Variants in SLC7A1 observed in about 807,000 individuals in gnomAD.
SLC7A1 encodes the protein solute carrier family 7 member 1.
Under a neutral mutation model 53.9 loss-of-function variants are expected in SLC7A1, and 10 were observed. The observed-to-expected ratio is 0.19, with a 90% CI of 0.11 to 0.31. The LOEUF is 0.31. SLC7A1 is among the 10% of genes least tolerant of loss of function. The pLI, the probability that SLC7A1 is intolerant of heterozygous loss-of-function variation, is 1.00. For synonymous variants in SLC7A1, 342 were observed against 338.7 expected (o/e 1.01, Z -0.11); for missense variants, 525 against 827.2 (o/e 0.63, Z 4.48).
chr13:29,545,363 C>T (rs9508490), intron 2 of SLC7A1, among the ~76,000 whole-genome samples: 88,054 of 151,782 alleles, frequency 0.58, 29,077 homozygotes, highest in Non-Finnish European at 0.76. Context: ...CTGTGGGGAC[C>T]AGCTCAGGTC....
chr13:29,541,080 C>T (rs1264618997), intron 2 of SLC7A1, among the ~76,000 whole-genome samples: 1 of 152,034 alleles, frequency 6.6e-6, no homozygotes, highest in Non-Finnish European at 1.5e-5. Flanking sequence ...GGGATGCTGG[C>T]CACGATGAGA....
chr13:29,528,970 A>AACT, intron 5 of SLC7A1, among the ~76,000 whole-genome samples: 1 of 152,270 alleles, frequency 6.6e-6, no homozygotes, highest in South Asian at 2.1e-4. Flanking sequence ...AGTTAACAAG[A>AACT]GGTGCCCTAT....
intron 1 of SLC7A1, among the ~76,000 whole-genome samples, chr13:29,571,982 A>T (rs1224365482): frequency 6.6e-6 from 1 of 152,112 alleles, no homozygotes; most frequent in Admixed American, 6.5e-5. Flanking sequence ...TTCTTTGTTG[A>T]CCTTTGCGTG....
intron 8 of SLC7A1, among the ~76,000 whole-genome samples, chr13:29,521,370 T>C (rs990908069): frequency 2.0e-5 from 3 of 152,210 alleles, no homozygotes; most frequent in Admixed American, 6.5e-5. Flanking sequence ...CTGTGACTGA[T>C]CTCACATGCC....
intron 9 of SLC7A1, among the ~76,000 whole-genome samples, chr13:29,518,010 G>A (rs747669571): frequency 2.0e-5 from 3 of 152,182 alleles, no homozygotes; most frequent in South Asian, 2.1e-4. Context: ...TCTCTCCTTC[G>A]GGGCGACATG....
chr13:29,587,797 T>G (rs1871946659), intron 1 of SLC7A1, among the ~76,000 whole-genome samples: 1 of 152,196 alleles, frequency 6.6e-6, no homozygotes, highest in South Asian at 2.1e-4. Flanking sequence ...GGCAGGAGCA[T>G]GAAAGACCGT....
chr13:29,557,202 G>A (rs559887788), intron 1 of SLC7A1, among the ~76,000 whole-genome samples: 2 of 152,272 alleles, frequency 1.3e-5, no homozygotes, highest in South Asian at 4.1e-4. Context: ...CATAAATATC[G>A]CAAGCAGCAT....
intron 4 of SLC7A1, 98 bp downstream of exon 4, chr13:29,532,726 G>T (rs1357797880): frequency 1.4e-5 from 15 of 1,099,306 alleles, no homozygotes; most frequent in Non-Finnish European, 2.0e-5. Flanking sequence ...TGGGGGTTAT[G>T]GTTAAAGAGA....
At chr13:29,573,642 A>G (rs1871291699) in intron 1 of SLC7A1, among the ~76,000 whole-genome samples, 1 of 152,222 alleles carries the variant, frequency 6.6e-6, no homozygotes, top group Non-Finnish European at 1.5e-5. Context: ...AGTTAAATCT[A>G]AATTTCATGT....
At chr13:29,594,975 G>A (rs1035250640) in intron 1 of SLC7A1, among the ~76,000 whole-genome samples, 14 of 151,880 alleles carry the variant, frequency 9.2e-5, no homozygotes, top group African/African-American at 3.1e-4. Context: ...TCTGCACCGC[G>A]CCATGTAAGG....
At chr13:29,527,802 C>A (rs1368990230) in intron 5 of SLC7A1, among the ~76,000 whole-genome samples, 1 of 152,366 alleles carries the variant, frequency 6.6e-6, no homozygotes, top group African/African-American at 2.4e-5. Flanking sequence ...CACCCTCACA[C>A]CAGCCACCCT....
rs147514623 is a variant in SLC7A1 at position 29,554,105 on chromosome 13, C to T, written c.-114-245G>A. On this transcript the variant is annotated intron_variant, in intron 1 of 12. Transcript: ENST00000380752. ...CGCACCAGAGATTCCACCGCTTTAC[C>T]TCTGAAACTGACTCTCATATTTCAA... Among the ~76,000 whole-genome samples, 422 of 152,312 alleles carry T rather than the reference C, an allele frequency of 2.8e-3. 1 individual carries two copies. Among genetic ancestry groups the T allele is most frequent in the African/African-American group, 9.7e-3 (403 of 41,570 alleles).
chr13:29,529,447 G>A (rs1274699097), intron 5 of SLC7A1, among the ~76,000 whole-genome samples: 1 of 152,202 alleles, frequency 6.6e-6, no homozygotes, highest in Non-Finnish European at 1.5e-5. Context: ...CTTGCCAATG[G>A]AATGTCTGTG....
chr13:29,533,127 G>A, intron 3 of SLC7A1, 145 bp from the exon 4 acceptor site: 1 of 780,386 alleles, frequency 1.3e-6, no homozygotes, highest in African/African-American at 1.7e-5. Flanking sequence ...CACAGTGTAT[G>A]CTGAGCCAGA....
intron 1 of SLC7A1, among the ~76,000 whole-genome samples, chr13:29,579,496 T>G (rs280931): frequency 0.86 from 131,398 of 151,940 alleles, 57,822 homozygotes; most frequent in Middle Eastern, 0.96. Flanking sequence ...GAGTAGCTGG[T>G]ACTACAGGCA....
chr13:29,530,986 C>T lies in SLC7A1; in HGVS notation c.530-274G>A, dbSNP rs778957449. Among the ~76,000 whole-genome samples, 10 of 152,184 alleles carry T rather than the reference C, an allele frequency of 6.6e-5. No individual in the cohort carries two copies. In the East Asian group the frequency reaches 9.6e-4, roughly 15 times the overall value. ...CTGAGAAGCCCACCCAAGGGGCACC[C>T]GAGAACTGCAGAGATCTGGAGCATG... On this transcript the variant is annotated intron_variant, in intron 4 of 12. Coordinates refer to ENST00000380752, the MANE Select transcript of SLC7A1 (RefSeq NM_003045.5).
chr13:29,565,538 G>T (rs1046279989), intron 1 of SLC7A1, among the ~76,000 whole-genome samples: 3 of 152,140 alleles, frequency 2.0e-5, no homozygotes, highest in African/African-American at 7.2e-5. Context: ...GGTCTATGAC[G>T]GTCTTCCTTA....
chr13:29,566,119 T>C (rs372493319), intron 1 of SLC7A1, among the ~76,000 whole-genome samples: 85 of 152,346 alleles, frequency 5.6e-4, no homozygotes, highest in African/African-American at 1.6e-3. Flanking sequence ...GTTAATGTGA[T>C]TGAACTGCAC....
chr13:29,518,356 T>C (rs1415409412), intron 9 of SLC7A1, among the ~76,000 whole-genome samples: 1 of 152,136 alleles, frequency 6.6e-6, no homozygotes, highest in Non-Finnish European at 1.5e-5. Flanking sequence ...TTCCAAGACA[T>C]GAGCTACCTG....
Sources: gnomAD v4.1 joint callset for allele counts (sites outside exome capture counted in the v4.1 genomes callset) on GRCh38, gnomAD v4.1.1 for gene constraint, MANE v1.5 for transcripts, NCBI Gene and HGNC (gene_info 2026-07-23, HGNC 2026-07-21) for gene names.